Variants in SCRIB observed in about 807,000 individuals in gnomAD.
SCRIB encodes the protein scribble planar cell polarity protein.
A neutral mutation model predicts 170.0 loss-of-function variants in SCRIB; 72 were observed. The ratio of observed to expected loss-of-function variants is 0.42; its 90% CI spans 0.35 to 0.52. SCRIB has a LOEUF of 0.52. Among genes scored for constraint, SCRIB ranks in the 20% least tolerant of loss-of-function variants. SCRIB has a pLI of 0.02. For synonymous variants in SCRIB, 1,298 were observed against 1,044.3 expected (o/e 1.24, Z -4.68); for missense variants, 2,475 against 2,338.5 (o/e 1.06, Z -1.20).
rs1815565050 is a variant in SCRIB, at chr8:143,808,871, T to C, written c.1853A>G (p.Lys618Arg). 2.5e-6 allele frequency: 4 copies of C among 1,609,810 alleles called. No individual in the cohort carries two copies. Among genetic ancestry groups the C allele is most frequent in the Non-Finnish European group, 3.4e-6 (4 of 1,179,936 alleles). The change falls in exon 15 of 37, where the codon AAG (lysine) becomes AGG (arginine). Residue 618 changes from lysine to arginine, a missense_variant. Lys to Arg is a conservative substitution (Grantham distance 26). Coordinates refer to ENST00000356994, the MANE Select transcript of SCRIB (RefSeq NM_182706.5). ...CACAACGGCCTCGGGCTGGGGCAGC[T>C]TGGAGATCTTGAAGTGCTTTTTGTA... ...PHYKKHFKIS[K>R]LPQPEAVVAL...
Position 143,810,476 on chromosome 8 carries a change from C to T in SCRIB, c.1530+3G>A. The T allele has an allele frequency of 6.2e-7, 1 of 1,606,660 alleles. No individual in the cohort carries two copies. The highest frequency in any genetic ancestry group is 8.5e-7 in the Non-Finnish European group (1 of 1,179,590). On this transcript the variant is annotated splice_donor_region_variant and intron_variant, in intron 13 of 36. Coordinates refer to ENST00000356994, the MANE Select transcript of SCRIB (RefSeq NM_182706.5). ...CGCCAGGTTGCCGTGGCTCCATGCCCACCTCCTCTGCAGGCAAGGGCGACC... is the reference window on the plus strand; with the variant it reads ...CGCCAGGTTGCCGTGGCTCCATGCCTACCTCCTCTGCAGGCAAGGGCGACC...
At chr8:143,809,198 G>A (rs879460525) in intron 14 of SCRIB, among the ~76,000 whole-genome samples, 173 bp from the exon 15 acceptor site, 10 of 152,154 alleles carry the variant, frequency 6.6e-5, no homozygotes, top group Non-Finnish European at 1.5e-4. Context: ...AAAGCTGAAG[G>A]CCAGGGGCTC....
At position 143,795,765 on chromosome 8, in the gene SCRIB, C is replaced by T. The variant is rs144321802; in HGVS notation, c.3604-235G>A. On this transcript the variant is annotated intron_variant, in intron 24 of 36. Coordinates refer to ENST00000356994, the MANE Select transcript of SCRIB (RefSeq NM_182706.5). ...TCACAGCTCACAGGGCTGCCGTGGA[C>T]GTGGTCACGTCTGCACTAGGCAAGA... is the stretch of plus-strand genomic sequence containing the variant. Among the ~76,000 whole-genome samples the T allele has an allele frequency of 4.8e-3, 736 of 152,304 alleles. 4 individuals are homozygous for T. Among genetic ancestry groups the T allele is most frequent in the African/African-American group, 0.016 (683 of 41,558 alleles).
Position 143,793,085 on chromosome 8 carries a change from T to C in SCRIB, c.3910-2A>G. ...ATCCGGAGAAGGCGGGGAGGGCGGCTGGGGGGTGGGGCTCTTGTGAGCTAT... is the reference window on the plus strand; with the variant it reads ...ATCCGGAGAAGGCGGGGAGGGCGGCCGGGGGGTGGGGCTCTTGTGAGCTAT... On this transcript the variant is annotated splice_acceptor_variant, in intron 28 of 36. Transcript: ENST00000356994. LOFTEE classifies it high-confidence loss of function. 7.5e-7 allele frequency: 1 copy of C among 1,339,406 alleles called. No individual in the cohort carries two copies. Among genetic ancestry groups the C allele is most frequent in the Non-Finnish European group, 9.9e-7 (1 of 1,008,232 alleles). The allele number at this position is 1,339,406 out of a possible 1,614,324, so 83.0% of individuals were successfully genotyped here. A position where few individuals can be genotyped will look rare whatever the true frequency, so the allele number is the denominator to read the frequency against.
At chr8:143,796,196 AAC>A (rs1252162877) in intron 24 of SCRIB, among the ~76,000 whole-genome samples, 1 of 152,164 alleles carries the variant, frequency 6.6e-6, no homozygotes, top group Admixed American at 6.5e-5. Context: ...GCCTGGGGTT[AAC>A]ACGGGCAGAG....
Position 143,808,798 on chromosome 8 carries a change from G to C in SCRIB, c.1926C>G (p.Pro642=). The C allele has an allele frequency of 6.2e-7, 1 of 1,611,538 alleles. No individual in the cohort carries two copies. Among genetic ancestry groups the C allele is most frequent in the Non-Finnish European group, 8.5e-7 (1 of 1,179,068 alleles). Reference sequence around the variant, plus strand: ...CGTGGGGGCCATTGTGCCAGCCCCCGGGAGCCACAGGGCCCTCCCCATCAG... The same window carrying C: ...CGTGGGGGCCATTGTGCCAGCCCCCCGGAGCCACAGGGCCCTCCCCATCAG... ...MQPDGEGPVA[P]GGWHNGPHAP... Residue 642 remains proline, a synonymous_variant, in exon 15 of 37, where the codon CCC becomes CCG. Coordinates refer to ENST00000356994, the MANE Select transcript of SCRIB (RefSeq NM_182706.5).
Position 143,806,325 on chromosome 8 carries a change from G to C in SCRIB, c.2346+82C>G, listed in dbSNP as rs538150748. The C allele has an allele frequency of 3.6e-6, 4 of 1,121,988 alleles. No individual in the cohort carries two copies. The African/African-American group carries it at 6.2e-5, about 17-fold the overall frequency. 69.5% of individuals were successfully genotyped at this position (1,121,988 alleles called of 1,614,324 possible). A position where few individuals can be genotyped will look rare whatever the true frequency, so the allele number is the denominator to read the frequency against. ...GAACTCTTGGGGAGGCCGGGAGAAG[G>C]CAGCCAAGCACCCTAATACCAGGGA... On this transcript the variant is annotated intron_variant, in intron 18 of 36. Coordinates refer to ENST00000356994, the MANE Select transcript of SCRIB (RefSeq NM_182706.5).
intron 14 of SCRIB, 99 bp from the exon 15 acceptor site, chr8:143,809,124 C>T: frequency 7.0e-7 from 1 of 1,423,288 alleles, no homozygotes; most frequent in South Asian, 1.4e-5. Context: ...CTCCGAAAGC[C>T]TCCCCGCCAC....
In SCRIB at chr8:143,813,444, G is replaced by A. The variant is rs769216917; in HGVS notation, c.503+26C>T. On this transcript the variant is annotated intron_variant, in intron 5 of 36. Coordinates refer to ENST00000356994, the MANE Select transcript of SCRIB (RefSeq NM_182706.5). ...CCTGGGCTGTGGCCCTGCCCTGGCT[G>A]TTAGGAGAATGCCTGTCACACTCAC... 5.6e-6 allele frequency: 9 copies of A among 1,613,186 alleles called. No individual in the cohort carries two copies. In the South Asian group the frequency reaches 7.7e-5, roughly 14 times the overall value.
At position 143,803,855 on chromosome 8, in the gene SCRIB, G is replaced by A. The variant is rs868968129; in HGVS notation, c.3206C>T (p.Ala1069Val). ...GGCACTGACTGCTTCTTGGTGCGTGGCATCCCGCACGTCTTGCCCGTTCAC... is the reference window on the plus strand; with the variant it reads ...GGCACTGACTGCTTCTTGGTGCGTGACATCCCGCACGTCTTGCCCGTTCAC... ...LAVNGQDVRD[A>V]THQEAVSALL... is the part of the protein sequence containing the mutation. The change falls in exon 23 of 37, where the codon GCC (alanine) becomes GTC (valine). Residue 1069 changes from alanine to valine, a missense_variant. This residue lies in a region of SCRIB where 1,966 missense variants were observed against 1,742.9 expected (regional missense o/e 1.13). Transcript: ENST00000356994. 1.9e-6 allele frequency: 3 copies of A among 1,601,470 alleles called. No individual in the cohort carries two copies. Among genetic ancestry groups the A allele is most frequent in the East Asian group, 2.2e-5 (1 of 44,480 alleles).
At chr8:143,806,367 G>A (rs782294325) in intron 18 of SCRIB, 40 bp downstream of exon 18, 23 of 1,502,370 alleles carry the variant, frequency 1.5e-5, no homozygotes, top group Non-Finnish European at 2.1e-5. Flanking sequence ...ACCTCCAGAG[G>A]GCACAGCTGC....
In SCRIB at chr8:143,804,116, C is replaced by G. The variant is rs781963200; in HGVS notation, c.3050G>C (p.Ser1017Thr). The G allele has an allele frequency of 3.7e-6, 6 of 1,612,782 alleles. No homozygotes were observed. Among genetic ancestry groups the G allele is most frequent in the South Asian group, 1.1e-5 (1 of 90,942 alleles). Residue 1017 changes from serine to threonine, a missense_variant, in exon 22 of 37, where the codon AGT becomes ACT. By Grantham distance (58) the Ser-to-Thr change is moderately conservative. Transcript: ENST00000356994. ...GGAATGGTCGGAGCCTCCGACAATACTAAGCCCCAGAGGGCCCCCAGCTCT... is the reference window on the plus strand; with the variant it reads ...GGAATGGTCGGAGCCTCCGACAATAGTAAGCCCCAGAGGGCCCCCAGCTCT... ...LPRAGGPLGL[S>T]IVGGSDHSSH...
At position 143,805,239 on chromosome 8, in the gene SCRIB, A is replaced by C. The variant is rs1815368505; in HGVS notation, c.2543T>G (p.Leu848Arg). 2 of 1,536,146 alleles carry C rather than the reference A, an allele frequency of 1.3e-6. No individual in the cohort carries two copies. Among genetic ancestry groups the C allele is most frequent in the African/African-American group, 2.8e-5 (2 of 72,436 alleles). ...GGGCCCGGGGCTCTCAGGCGGGAGC[A>C]GGGGCAGGCGCAGCCCCCCTCCCCG... The part of the protein sequence containing the change: ...ERRGGGLRLP[L>R]LPPESPGPLR... The change falls in exon 19 of 37, where the codon CTG becomes CGG. Residue 848 changes from leucine (L) to arginine (R), a missense_variant. By Grantham distance (102) the Leu-to-Arg change is moderately radical (BLOSUM62 -2). Coordinates refer to ENST00000356994, the MANE Select transcript of SCRIB (RefSeq NM_182706.5).
intron 16 of SCRIB, 96 bp from the exon 17 acceptor site, chr8:143,807,109 G>A: frequency 1.1e-6 from 1 of 910,316 alleles, no homozygotes; most frequent in South Asian, 1.5e-5. Context: ...GCCATTTCTG[G>A]CTTTTCTCTA....
chr8:143,807,588 G>C lies in SCRIB; in HGVS notation c.2142C>G (p.Asn714Lys), dbSNP rs782289958. Reference protein sequence around the residue: ...VKGVSFDQANNLLIEPARIEE... With the variant: ...VKGVSFDQANKLLIEPARIEE... ...CAATGCGAGCAGGCTCTATCAGCAG[G>C]TTATTGGCCTGGTCAAACGACACTC... Residue 714 changes from asparagine to lysine, a missense_variant, in exon 16 of 37, where the codon AAC becomes AAG. Transcript: ENST00000356994. 6.2e-7 allele frequency: 1 copy of C among 1,614,036 alleles called. No homozygotes were observed. Among genetic ancestry groups the C allele is most frequent in the Non-Finnish European group, 8.5e-7 (1 of 1,179,938 alleles).
At chr8:143,795,577 T>G in intron 24 of SCRIB, 47 bp from the exon 25 acceptor site, 1 of 1,493,586 alleles carries the variant, frequency 6.7e-7, no homozygotes, top group Non-Finnish European at 9.2e-7. Flanking sequence ...CAACCCGGGG[T>G]CCCACCTCTG....
intron 20 of SCRIB, 35 bp downstream of exon 20, chr8:143,804,898 GA>G: frequency 6.6e-7 from 1 of 1,507,202 alleles, no homozygotes; most frequent in Admixed American, 2.0e-5. Flanking sequence ...GGGCAGGGGG[GA>G]TGGGTGGGTG....
At chr8:143,799,107 TA>T (rs2130034613) in intron 24 of SCRIB, among the ~76,000 whole-genome samples, 1 of 152,312 alleles carries the variant, frequency 6.6e-6, no homozygotes, top group South Asian at 2.1e-4. Flanking sequence ...CCCAGCCTGT[TA>T]TTCTAAAAAC....
chr8:143,791,552 G>GGGGGTGAAGAGGC, intron 35 of SCRIB, 112 bp from the exon 36 acceptor site: 1 of 1,568,962 alleles, frequency 6.4e-7, no homozygotes, highest in East Asian at 2.3e-5. Flanking sequence ...AAGGGGGAGG[G>GGGGGTGAAGAGGC]GGGGTGAAGA....
Sources: allele counts gnomAD v4.1 joint callset (sites outside exome capture counted in the v4.1 genomes callset), GRCh38; gene constraint gnomAD v4.1.1; regional missense constraint gnomAD v4.1.1; transcripts MANE v1.5; gene names NCBI Gene and HGNC (gene_info 2026-07-23, HGNC 2026-07-21).